The following ADAMTSL1 variants were observed in gnomAD, a reference collection of about 807,000 sequenced individuals.
ADAMTSL1 encodes ADAMTS like 1, also known as ADAMTS-like protein 1.
In ADAMTSL1, 126 loss-of-function variants were observed where a neutral mutation model predicts 201.8. That is an observed-to-expected ratio of 0.62 (90% CI 0.54 to 0.72). The LOEUF (loss-of-function observed/expected upper bound fraction) is 0.72. Ranked by LOEUF, ADAMTSL1 falls within the 30% of genes least tolerant of loss-of-function variation. ADAMTSL1 has a pLI of 0.00. For missense variants in ADAMTSL1, 2,679 were observed against 2,277.8 expected, an observed-to-expected ratio of 1.18 and a Z score of -3.59; for synonymous variants, 1,121 against 903.4, an observed-to-expected ratio of 1.24 and a Z score of -4.32.
rs1056661419 is a variant in ADAMTSL1, at chr9:18,910,419, G to C, written c.*1871G>C. The C allele has an allele frequency of 4.6e-5, 5 of 107,930 alleles. No individual in the cohort carries two copies. Among genetic ancestry groups the C allele is most frequent in the African/African-American group, 1.7e-4 (5 of 29,110 alleles). 6.7% of individuals were successfully genotyped at this position (107,930 alleles called of 1,614,324 possible). On this transcript the variant is annotated 3_prime_UTR_variant, in exon 29 of 29. Coordinates refer to ENST00000380548, the MANE Select transcript of ADAMTSL1 (RefSeq NM_001040272.6). ...GGACTTTATTAACTAACTTCCTGCA[G>C]TTGTGTTCCTGTAAACTCAGTAGTG... is the stretch of plus-strand genomic sequence containing the variant.
intron 1 of ADAMTSL1, among the ~76,000 whole-genome samples, chr9:18,036,266 G>A (rs1046183098): frequency 1.3e-5 from 2 of 152,150 alleles, no homozygotes; most frequent in Non-Finnish European, 2.9e-5. Flanking sequence ...AAGAGAGGCA[G>A]GGAAGAGGTT....
intron 1 of ADAMTSL1, among the ~76,000 whole-genome samples, chr9:18,130,757 A>T (rs1301290020): frequency 1.3e-5 from 2 of 152,044 alleles, no homozygotes; most frequent in Non-Finnish European, 2.9e-5. Context: ...TTTTTAACAG[A>T]CTGTTGCCTC....
chr9:18,648,998 C>T (rs1426467225), intron 7 of ADAMTSL1, among the ~76,000 whole-genome samples: 2 of 152,162 alleles, frequency 1.3e-5, no homozygotes, highest in Non-Finnish European at 2.9e-5. Flanking sequence ...AACTTGGTTC[C>T]ATTCTCCCCA....
rs79810838 is a variant in ADAMTSL1 at position 18,104,127 on chromosome 9, A to G, written c.88-59735A>G. ...ACTACTTGTTCAATCTCTTTATTTCATGAAAAGCTGAGGCCTAGGAGTATT... is the reference window on the plus strand; with the variant it reads ...ACTACTTGTTCAATCTCTTTATTTCGTGAAAAGCTGAGGCCTAGGAGTATT... On this transcript the variant is annotated intron_variant, in intron 1 of 29. Coordinates refer to the ADAMTSL1 transcript ENST00000680146. Among the ~76,000 whole-genome samples, 791 of 152,308 alleles carry G rather than the reference A, an allele frequency of 5.2e-3. 7 individuals carry two copies. The highest frequency in any genetic ancestry group is 0.018 in the African/African-American group (752 of 41,562).
At chr9:18,896,015 G>C (rs918371630) in intron 26 of ADAMTSL1, among the ~76,000 whole-genome samples, 3 of 151,712 alleles carry the variant, frequency 2.0e-5, no homozygotes, top group African/African-American at 7.3e-5. Context: ...GCAGCAGAAA[G>C]AATTTTCAAA....
At position 18,227,146 on chromosome 9, in the gene ADAMTSL1, A is replaced by G. The variant is rs1830458580; in HGVS notation, c.207+63165A>G. On this transcript the variant is annotated intron_variant, in intron 2 of 29. Transcript: ENST00000680146. ...AACAAAACATTACCCATACCTCAAA[A>G]CACAAATGGTTACTTTTCCCTCAAT... Among the ~76,000 whole-genome samples, 2 of 152,118 alleles carry G rather than the reference A, an allele frequency of 1.3e-5. 1 individual carries two copies. The highest frequency in any genetic ancestry group is 4.1e-4 in the South Asian group (2 of 4,822).
chr9:18,150,753 C>G (rs1447239369), intron 1 of ADAMTSL1, among the ~76,000 whole-genome samples: 2 of 151,842 alleles, frequency 1.3e-5, no homozygotes, highest in African/African-American at 4.8e-5. Context: ...TTGGGGACAG[C>G]AGTGGATGGA....
At chr9:18,586,710 A>G (rs1823513189) in intron 4 of ADAMTSL1, among the ~76,000 whole-genome samples, 1 of 152,184 alleles carries the variant, frequency 6.6e-6, no homozygotes, top group Non-Finnish European at 1.5e-5. Flanking sequence ...ACAGGACTAC[A>G]GTGACCAAAA....
At chr9:18,369,259 T>A (rs1172378836) in intron 2 of ADAMTSL1, among the ~76,000 whole-genome samples, 1 of 152,220 alleles carries the variant, frequency 6.6e-6, no homozygotes, top group African/African-American at 2.4e-5. Flanking sequence ...TTGTGAGATC[T>A]CAAGCAAATT....
chr9:18,147,049 G>T (rs1414544261), intron 1 of ADAMTSL1, among the ~76,000 whole-genome samples: 1 of 151,954 alleles, frequency 6.6e-6, no homozygotes, highest in South Asian at 2.1e-4. Flanking sequence ...AATATATTTA[G>T]GCACTCAAGA....
Position 18,530,818 on chromosome 9 carries a change from A to T in ADAMTSL1, c.192-2429A>T, listed in dbSNP as rs191188469. Among the ~76,000 whole-genome samples, 18 of 152,336 alleles carry T rather than the reference A, an allele frequency of 1.2e-4. 1 individual carries two copies. The East Asian group carries it at 3.5e-3, about 29-fold the overall frequency. On this transcript the variant is annotated intron_variant, in intron 2 of 28. Coordinates refer to ENST00000380548, the MANE Select transcript of ADAMTSL1 (RefSeq NM_001040272.6). Reference sequence around the variant, plus strand: ...TCCCATTTTACCAAAGATAAAACTGAGATATAGAGCCAAGATTCTAGAAAG... The same window carrying T: ...TCCCATTTTACCAAAGATAAAACTGTGATATAGAGCCAAGATTCTAGAAAG...
chr9:18,791,500 G>T (rs1822049856), intron 19 of ADAMTSL1, among the ~76,000 whole-genome samples: 1 of 152,040 alleles, frequency 6.6e-6, no homozygotes, highest in Non-Finnish European at 1.5e-5. Context: ...TCTTATGGTG[G>T]TCCCAAAGGG....
intron 2 of ADAMTSL1, among the ~76,000 whole-genome samples, chr9:18,424,289 C>T (rs1819098125): frequency 1.3e-5 from 2 of 152,184 alleles, no homozygotes; most frequent in African/African-American, 4.8e-5. Flanking sequence ...CTGTTGAACT[C>T]ATGCTGTAAG....
At position 18,648,331 on chromosome 9, in the gene ADAMTSL1, C is replaced by T. The variant is rs1247494049; in HGVS notation, c.834+8920C>T. On this transcript the variant is annotated intron_variant, in intron 7 of 28. Transcript: ENST00000380548. ...AATACAGCACACTGATGGGTCTTGACTCTTTATCCAATTTGCCAGTCTGTG... is the reference window on the plus strand; with the variant it reads ...AATACAGCACACTGATGGGTCTTGATTCTTTATCCAATTTGCCAGTCTGTG... 4.7e-5 allele frequency among the ~76,000 whole-genome samples: 7 copies of T among 150,224 alleles called. No homozygotes were observed. The East Asian group carries it at 1.4e-3, about 29-fold the overall frequency.
chr9:17,982,878 A>G (rs1818766827), intron 1 of ADAMTSL1, among the ~76,000 whole-genome samples: 1 of 150,976 alleles, frequency 6.6e-6, no homozygotes. Flanking sequence ...CTCACTTGGG[A>G]TGTTATTATT....
At chr9:18,501,298 C>T (rs548863845) in intron 1 of ADAMTSL1, among the ~76,000 whole-genome samples, 1 of 151,920 alleles carries the variant, frequency 6.6e-6, no homozygotes, top group Non-Finnish European at 1.5e-5. Context: ...ATAGCTCGAG[C>T]TCAGGAGTTC....
chr9:18,212,956 TA>T (rs778564025), intron 2 of ADAMTSL1, among the ~76,000 whole-genome samples: 1 of 152,232 alleles, frequency 6.6e-6, no homozygotes, highest in East Asian at 1.9e-4. Flanking sequence ...TTCATTGTCC[TA>T]AATGCAAATT....
intron 1 of ADAMTSL1, among the ~76,000 whole-genome samples, chr9:17,991,313 A>G (rs1410928044): frequency 1.3e-5 from 2 of 152,160 alleles, no homozygotes; most frequent in Admixed American, 6.6e-5. Flanking sequence ...ATGACCATCT[A>G]TTTAAACATG....
At chr9:18,439,474 C>T (rs999149447) in intron 2 of ADAMTSL1, among the ~76,000 whole-genome samples, 13 of 152,182 alleles carry the variant, frequency 8.5e-5, no homozygotes, top group Non-Finnish European at 1.6e-4. Flanking sequence ...TCAAGCAATT[C>T]TCCTGCCTCA....
Sources: gnomAD v4.1 joint callset for allele counts (sites outside exome capture counted in the v4.1 genomes callset) on GRCh38, gnomAD v4.1.1 for gene constraint, MANE v1.5 for transcripts, NCBI Gene and HGNC (gene_info 2026-07-23, HGNC 2026-07-21) for gene names.